GHRHR: variants seen among roughly 807,000 people sequenced by gnomAD.
GHRHR encodes the protein growth hormone releasing hormone receptor.
Under a neutral mutation model 58.3 loss-of-function variants are expected in GHRHR, and 40 were observed. The ratio of observed to expected loss-of-function variants is 0.69; its 90% CI spans 0.53 to 0.89. The LOEUF is 0.89. Among genes scored for constraint, GHRHR ranks in the 40% least tolerant of loss-of-function variants. The probability of loss-of-function intolerance (pLI) is 0.00; values close to 1 mark genes in which losing one functional copy is unlikely to be tolerated. For missense variants in GHRHR, 551 were observed against 541.3 expected, an observed-to-expected ratio of 1.02 and a Z score of -0.18; for synonymous variants, 249 against 216.6, an observed-to-expected ratio of 1.15 and a Z score of -1.31.
chr7:30,977,025 C>A (rs1298480134), intron 11 of GHRHR, among the ~76,000 whole-genome samples: 1 of 152,180 alleles, frequency 6.6e-6, no homozygotes, highest in Admixed American at 6.5e-5. Flanking sequence ...AAGTGTTGTG[C>A]TCATTCACAA....
At chr7:30,975,719 G>A (rs2128598574) in intron 9 of GHRHR, 58 bp from the exon 10 acceptor site, 1 of 996,780 alleles carries the variant, frequency 1.0e-6, no homozygotes, top group Middle Eastern at 2.5e-4. Context: ...GCTCACCCCA[G>A]CCACCCAAGG....
At chr7:30,972,161 T>A in intron 6 of GHRHR, 66 bp downstream of exon 6, 1 of 1,571,264 alleles carries the variant, frequency 6.4e-7, no homozygotes, top group South Asian at 1.1e-5. Context: ...CAGACCCAGA[T>A]GTGCCTGCGT....
At chr7:30,969,379 A>G (rs1167393955) in intron 3 of GHRHR, among the ~76,000 whole-genome samples, 1 of 152,200 alleles carries the variant, frequency 6.6e-6, no homozygotes, top group African/African-American at 2.4e-5. Flanking sequence ...GCAGGAAAGT[A>G]TTAGAGTGCA....
rs944373986 is a variant in GHRHR, at chr7:30,970,023, G to A, written c.366+59G>A. 2.0e-5 allele frequency: 16 copies of A among 807,164 alleles called. No individual in the cohort carries two copies. In the African/African-American group the frequency reaches 2.5e-4, roughly 13 times the overall value. The allele number at this position is 807,164 out of a possible 1,614,324, so 50.0% of individuals were successfully genotyped here. A position where few individuals can be genotyped will look rare whatever the true frequency, so the allele number is the denominator to read the frequency against. The stretch of plus-strand genomic sequence containing the variant: ...GCCATGGACATTTGTATGGGTGGGT[G>A]CACAACTGTAGGGGCCGCCATTCTC... On this transcript the variant is annotated intron_variant, in intron 4 of 12. Coordinates refer to ENST00000326139, the MANE Select transcript of GHRHR (RefSeq NM_000823.4).
At chr7:30,974,232 GC>G in intron 7 of GHRHR, 94 bp downstream of exon 7, 1 of 1,365,480 alleles carries the variant, frequency 7.3e-7, no homozygotes, top group Non-Finnish European at 1.0e-6. Context: ...TCACTCTGAG[GC>G]CCAGAGAAGG....
chr7:30,973,936 G>A (rs1320589055), intron 6 of GHRHR, 49 bp from the exon 7 acceptor site: 4 of 1,584,926 alleles, frequency 2.5e-6, no homozygotes, highest in South Asian at 1.1e-5. Context: ...ACTGGGATGG[G>A]GCTCCAGTGG....
chr7:30,966,217 C>T (rs993787688), intron 1 of GHRHR, among the ~76,000 whole-genome samples: 4 of 152,332 alleles, frequency 2.6e-5, no homozygotes, highest in Admixed American at 6.5e-5. Flanking sequence ...GGTCTCTCCA[C>T]GTGGTCACCC....
At chr7:30,966,801 C>A (rs1050815846) in intron 1 of GHRHR, among the ~76,000 whole-genome samples, 5 of 152,188 alleles carry the variant, frequency 3.3e-5, no homozygotes, top group Non-Finnish European at 7.3e-5. Flanking sequence ...TGTCATCACA[C>A]CCAGCTAATT....
intron 1 of GHRHR, among the ~76,000 whole-genome samples, chr7:30,966,174 CT>C (rs1254011976): frequency 6.6e-6 from 1 of 152,166 alleles, no homozygotes; most frequent in African/African-American, 2.4e-5. Context: ...TCCAGATTTT[CT>C]CCTATCCCAC....
chr7:30,968,388 A>G (rs1792398728), intron 1 of GHRHR, among the ~76,000 whole-genome samples: 1 of 152,038 alleles, frequency 6.6e-6, no homozygotes, highest in South Asian at 2.1e-4. Context: ...CTTCAGAAGC[A>G]TATTGTCTAA....
Position 30,969,186 on chromosome 7 carries a change from T to C in GHRHR, c.268+16T>C. On this transcript the variant is annotated intron_variant, in intron 3 of 12. Transcript: ENST00000326139. The stretch of plus-strand genomic sequence containing the variant: ...TCAGAGTCAGGTGAGGGGTGCTGGG[T>C]GTGGCGGTGGGAAAGGGAGGTGCTT... 1 of 1,485,206 alleles carries C rather than the reference T, an allele frequency of 6.7e-7. No homozygotes were observed. Among genetic ancestry groups the C allele is most frequent in the Non-Finnish European group, 9.2e-7 (1 of 1,087,936 alleles). The allele number at this position is 1,485,206 out of a possible 1,614,324, so 92.0% of individuals were successfully genotyped here. A position where few individuals can be genotyped will look rare whatever the true frequency, so the allele number is the denominator to read the frequency against.
intron 6 of GHRHR, among the ~76,000 whole-genome samples, chr7:30,972,423 T>A (rs1792498961): frequency 6.6e-6 from 1 of 151,484 alleles, no homozygotes; most frequent in Admixed American, 6.6e-5. Context: ...GTGCTGGGGG[T>A]GTGTACGCAA....
At chr7:30,967,148 T>A (rs1028987337) in intron 1 of GHRHR, among the ~76,000 whole-genome samples, 1 of 152,364 alleles carries the variant, frequency 6.6e-6, no homozygotes. Flanking sequence ...TTCCCTTGTA[T>A]GTATCTGTTT....
intron 3 of GHRHR, 89 bp from the exon 4 acceptor site, chr7:30,969,778 C>T: frequency 7.8e-7 from 1 of 1,285,720 alleles, no homozygotes; most frequent in Non-Finnish European, 1.1e-6. Flanking sequence ...GCAAACCCTG[C>T]CAGGGTCACT....
At chr7:30,974,922 C>G (rs1456827395) in intron 8 of GHRHR, 49 bp from the exon 9 acceptor site, 1 of 1,236,438 alleles carries the variant, frequency 8.1e-7, no homozygotes, top group Non-Finnish European at 1.2e-6. Flanking sequence ...CCTGCGTCAC[C>G]ACAGTGAAGG....
intron 1 of GHRHR, among the ~76,000 whole-genome samples, chr7:30,966,712 A>T (rs1434937951): frequency 6.6e-6 from 1 of 151,776 alleles, no homozygotes; most frequent in Non-Finnish European, 1.5e-5. Flanking sequence ...GCACAATCTC[A>T]GCTCACTGTA....
chr7:30,979,208 C>A lies in GHRHR; in HGVS notation c.1236C>A (p.Ser412=). The A allele has an allele frequency of 6.2e-7, 1 of 1,614,074 alleles. No homozygotes were observed. Among genetic ancestry groups the A allele is most frequent in the South Asian group, 1.1e-5 (1 of 91,084 alleles). ...WRTRAKWTTP[S]RSAAKVLTSM... is the part of the protein sequence containing the mutation. Reference sequence around the variant, plus strand: ...CCCGTGCTAAGTGGACCACGCCTTCCCGCTCGGCGGCAAAGGTGCTGACAT... The same window carrying A: ...CCCGTGCTAAGTGGACCACGCCTTCACGCTCGGCGGCAAAGGTGCTGACAT... Residue 412 remains serine, a synonymous_variant, in exon 13 of 13, where the codon TCC becomes TCA. Coordinates refer to ENST00000326139, the MANE Select transcript of GHRHR (RefSeq NM_000823.4).
chr7:30,969,900 G>C lies in GHRHR; in HGVS notation c.302G>C (p.Trp101Ser), dbSNP rs752643497. The C allele has an allele frequency of 6.2e-7, 1 of 1,608,956 alleles. No homozygotes were observed. The highest frequency in any genetic ancestry group is 1.3e-5 in the African/African-American group (1 of 74,932). Residue 101 changes from tryptophan to serine, a missense_variant, in exon 4 of 13, where the codon TGG becomes TCG. Physicochemically the swap from Trp to Ser is radical, Grantham distance 177. Coordinates refer to ENST00000326139, the MANE Select transcript of GHRHR (RefSeq NM_000823.4). ...AVKRDCTITG[W>S]SEPFPPYPVA... ...AAACGGGATTGTACTATCACTGGCT[G>C]GTCTGAGCCCTTTCCACCTTACCCT...
At chr7:30,977,181 T>C in intron 11 of GHRHR, 100 bp from the exon 12 acceptor site, 3 of 1,102,850 alleles carry the variant, frequency 2.7e-6, no homozygotes, top group Non-Finnish European at 4.2e-6. Context: ...GCCCAAGCCA[T>C]AGCCTGGGGA....
Sources: gnomAD v4.1 joint callset for allele counts (sites outside exome capture counted in the v4.1 genomes callset) on GRCh38, gnomAD v4.1.1 for gene constraint, MANE v1.5 for transcripts, NCBI Gene and HGNC (gene_info 2026-07-23, HGNC 2026-07-21) for gene names.